CNTN4: variants seen among roughly 807,000 people sequenced by gnomAD.
CNTN4 encodes the protein contactin-4.
A neutral mutation model predicts 122.5 loss-of-function variants in CNTN4; 77 were observed. The observed-to-expected ratio is 0.63, with a 90% CI of 0.52 to 0.76. CNTN4 has a LOEUF of 0.76. Ranked by LOEUF, CNTN4 falls within the 30% of genes least tolerant of loss-of-function variation. CNTN4 has a pLI of 0.00. For synonymous variants in CNTN4, 512 were observed against 447.0 expected (o/e 1.15, Z -1.83); for missense variants, 1,256 against 1,259.1 (o/e 1.00, Z 0.04).
At chr3:2,971,186 A>G (rs1425333068) in intron 13 of CNTN4, among the ~76,000 whole-genome samples, 1 of 152,240 alleles carries the variant, frequency 6.6e-6, no homozygotes. Context: ...GTGCATCATC[A>G]TACAGGTCCT....
At chr3:2,228,756 A>T (rs548924861) in intron 2 of CNTN4, among the ~76,000 whole-genome samples, 21 of 152,178 alleles carry the variant, frequency 1.4e-4, no homozygotes, top group Non-Finnish European at 2.5e-4. Context: ...TAGAGTTTAG[A>T]CTTATTTAAA....
intron 4 of CNTN4, among the ~76,000 whole-genome samples, chr3:2,632,877 A>G (rs2150051106): frequency 6.6e-6 from 1 of 152,180 alleles, no homozygotes; most frequent in African/African-American, 2.4e-5. Context: ...CAAAATCAGG[A>G]TTTAAAGACC....
chr3:2,306,437 G>T (rs1666347), intron 2 of CNTN4, among the ~76,000 whole-genome samples: 40,915 of 151,822 alleles, frequency 0.27, 5,987 homozygotes, highest in East Asian at 0.47. Context: ...GGACAGTTGT[G>T]TATCATCTTT....
At chr3:2,308,781 GAA>G (rs1355602083) in intron 2 of CNTN4, among the ~76,000 whole-genome samples, 1 of 151,980 alleles carries the variant, frequency 6.6e-6, no homozygotes, top group Admixed American at 6.6e-5. Context: ...TAAACTCATT[GAA>G]GTTTGTTGTA....
At chr3:2,465,136 A>G (rs904951925) in intron 3 of CNTN4, among the ~76,000 whole-genome samples, 7 of 152,170 alleles carry the variant, frequency 4.6e-5, no homozygotes, top group Admixed American at 6.5e-5. Context: ...TTACTGCTAT[A>G]TTATATATTC....
chr3:2,865,459 C>T (rs1482731703), intron 7 of CNTN4, among the ~76,000 whole-genome samples: 1 of 152,160 alleles, frequency 6.6e-6, no homozygotes, highest in African/African-American at 2.4e-5. Context: ...TTTCCAAGGA[C>T]ACTTTATACA....
At chr3:2,238,825 TCCCGCCA>T (rs2039793493) in intron 2 of CNTN4, 1 of 103,960 alleles carries the variant, frequency 9.6e-6, no homozygotes. Context: ...CCTCCCGGGT[TCCCGCCA>T]TTCTCCCGCC....
At chr3:2,493,349 C>T (rs1348001729) in intron 3 of CNTN4, among the ~76,000 whole-genome samples, 1 of 151,872 alleles carries the variant, frequency 6.6e-6, no homozygotes, top group Non-Finnish European at 1.5e-5. Context: ...AATGCCATTC[C>T]TCCGGACATA....
intron 3 of CNTN4, among the ~76,000 whole-genome samples, chr3:2,348,838 C>G (rs892336444): frequency 2.6e-5 from 4 of 152,132 alleles, no homozygotes; most frequent in African/African-American, 7.2e-5. Context: ...GGTCTCTTGT[C>G]TTCTTTCCAT....
At chr3:2,274,495 T>G (rs2149839984) in intron 2 of CNTN4, among the ~76,000 whole-genome samples, 1 of 147,168 alleles carries the variant, frequency 6.8e-6, no homozygotes, top group African/African-American at 2.5e-5. Flanking sequence ...TCACCAAAAC[T>G]AAAGAAACAC....
chr3:2,671,503 C>T (rs2084511076), intron 4 of CNTN4, among the ~76,000 whole-genome samples: 2 of 152,048 alleles, frequency 1.3e-5, no homozygotes, highest in South Asian at 4.1e-4. Flanking sequence ...AATCTTTTTT[C>T]AAGGTTTTTA....
At chr3:2,727,222 A>G (rs2176259) in intron 4 of CNTN4, among the ~76,000 whole-genome samples, 19,390 of 152,204 alleles carry the variant, frequency 0.13, 1,617 homozygotes, top group East Asian at 0.44. Context: ...AATATAGCCC[A>G]CAAAACATGC....
chr3:2,480,642 A>G (rs2075964431), intron 3 of CNTN4, among the ~76,000 whole-genome samples: 1 of 152,248 alleles, frequency 6.6e-6, no homozygotes, highest in Non-Finnish European at 1.5e-5. Context: ...TCATGTTTAT[A>G]CATAGGAAGA....
chr3:2,694,392 A>G (rs1472730705), intron 4 of CNTN4, among the ~76,000 whole-genome samples: 2 of 152,370 alleles, frequency 1.3e-5, no homozygotes, highest in East Asian at 3.9e-4. Context: ...TCTCTAAAGC[A>G]GAGTCTGTGT....
rs78748263 is a variant in CNTN4 at position 2,240,536 on chromosome 3, T to A, written c.-144-98642T>A. 4.0e-3 allele frequency among the ~76,000 whole-genome samples: 605 copies of A among 152,262 alleles called. 11 individuals carry two copies. In the East Asian group the frequency reaches 0.056, roughly 14 times the overall value. On this transcript the variant is annotated intron_variant, in intron 2 of 24. Coordinates refer to ENST00000418658, the MANE Select transcript of CNTN4 (RefSeq NM_175607.3). The stretch of plus-strand genomic sequence containing the variant: ...TCAAACTTTGTTTCTAACTCTGAAA[T>A]CCTATGATTTTATGATTTTTAATAT...
At chr3:2,282,281 G>A (rs187157033) in intron 2 of CNTN4, among the ~76,000 whole-genome samples, 1 of 151,882 alleles carries the variant, frequency 6.6e-6, no homozygotes, top group Admixed American at 6.6e-5. Context: ...TTAATGATTG[G>A]TTTATTTTGA....
At chr3:2,493,137 A>G (rs2076362547) in intron 3 of CNTN4, among the ~76,000 whole-genome samples, 1 of 152,180 alleles carries the variant, frequency 6.6e-6, no homozygotes, top group East Asian at 1.9e-4. Context: ...CCCAAGTAAC[A>G]AGAAGATAAT....
intron 2 of CNTN4, among the ~76,000 whole-genome samples, chr3:2,322,638 A>G (rs1157470060): frequency 6.6e-6 from 1 of 152,160 alleles, no homozygotes; most frequent in Non-Finnish European, 1.5e-5. Context: ...AATGTACTTA[A>G]TGCCACTGAA....
chr3:2,376,003 A>G (rs1001349758), intron 3 of CNTN4, among the ~76,000 whole-genome samples: 7 of 152,132 alleles, frequency 4.6e-5, no homozygotes, highest in Admixed American at 1.3e-4. Flanking sequence ...TGACTTTGCC[A>G]TTTATTGAAG....
Sources: allele counts gnomAD v4.1 joint callset (sites outside exome capture counted in the v4.1 genomes callset), GRCh38; gene constraint gnomAD v4.1.1; transcripts MANE v1.5; gene names NCBI Gene and HGNC (gene_info 2026-07-23, HGNC 2026-07-21).